The following BSN variants were observed in gnomAD, a reference collection of about 807,000 sequenced individuals.
The protein encoded by BSN is bassoon presynaptic cytomatrix protein.
A neutral mutation model predicts 264.8 loss-of-function variants in BSN; 57 were observed. The ratio of observed to expected loss-of-function variants is 0.22; its 90% CI spans 0.17 to 0.27. BSN has a LOEUF of 0.27. Ranked by LOEUF, BSN falls within the 10% of genes least tolerant of loss-of-function variation. BSN has a pLI of 1.00. For synonymous variants in BSN, 2,059 were observed against 2,137.3 expected (o/e 0.96, Z 1.01); for missense variants, 4,615 against 5,232.5 (o/e 0.88, Z 3.64).
In BSN at chr3:49,651,855, A is replaced by ACGCCTG. The variant is rs2052543876; in HGVS notation, c.2300_2305dup (p.Pro768_Glu769insAlaPro). On this transcript the variant is annotated inframe_insertion, in exon 5 of 12. Coordinates refer to ENST00000296452, the MANE Select transcript of BSN (RefSeq NM_003458.4). The surrounding 1 kb of genome is among the most constrained non-coding windows in gnomAD (Gnocchi z 5.4). ...GCAGCGGCCCCACTCCTTGTCCATCACGCCTGAGGCCTTTGACTCTGATGA... is the reference window on the plus strand; with the variant it reads ...GCAGCGGCCCCACTCCTTGTCCATCACGCCTGCGCCTGAGGCCTTTGACTCTGATGA... The ACGCCTG allele has an allele frequency of 6.2e-7, 1 of 1,613,840 alleles. No homozygotes were observed. Among genetic ancestry groups the ACGCCTG allele is most frequent in the South Asian group, 1.1e-5 (1 of 91,080 alleles).
At chr3:49,605,550 T>A (rs868481411) in intron 1 of BSN, among the ~76,000 whole-genome samples, 3 of 1,162 alleles carry the variant, frequency 2.6e-3, no homozygotes, top group African/African-American at 3.6e-3. Flanking sequence ...TATATATATT[T>A]TATATAATAT....
chr3:49,574,737 G>A (rs2051828773), intron 1 of BSN, among the ~76,000 whole-genome samples: 1 of 147,174 alleles, frequency 6.8e-6, no homozygotes, highest in Non-Finnish European at 1.5e-5. Flanking sequence ...CTGGGTTCAA[G>A]TGATTCTCTT....
chr3:49,657,986 C>G lies in BSN; in HGVS notation c.8430C>G (p.Ser2810=), dbSNP rs765302265. The G allele has an allele frequency of 6.2e-7, 1 of 1,612,362 alleles. No homozygotes were observed. The highest frequency in any genetic ancestry group is 2.2e-5 in the East Asian group (1 of 44,838). ...PLSPHRLLDT[S]FASSERLNKA... ...CCCCTCACCGGCTCCTGGACACCTC[C>G]TTTGCTTCCAGTGAGAGGCTGAACA... The change falls in exon 5 of 12, where the codon TCC becomes TCG. Residue 2810 remains serine, a synonymous_variant. Transcript: ENST00000296452.
chr3:49,635,899 A>T (rs1285374503), intron 2 of BSN, among the ~76,000 whole-genome samples: 1 of 151,310 alleles, frequency 6.6e-6, no homozygotes, highest in Non-Finnish European at 1.5e-5. Context: ...GGATCACTTG[A>T]GTCTGGGAGG....
intron 1 of BSN, among the ~76,000 whole-genome samples, chr3:49,606,103 A>ATAATATATACGTATATATT (rs1559603325): frequency 0.042 from 1,508 of 35,494 alleles, 342 homozygotes; most frequent in Non-Finnish European, 0.051. Context: ...TATAACATAT[A>ATAATATATACGTATATATT]ATATATAATA....
rs955529886 is a variant in BSN at position 49,642,916 on chromosome 3, G to A, written c.1282G>A (p.Ala428Thr). Residue 428 changes from alanine to threonine, a missense_variant, in exon 3 of 12, where the codon GCC becomes ACC. Around this residue, in one of 3 missense-constraint regions of BSN, gnomAD observed 1,197 missense variants for 1,348.0 expected, o/e 0.89. Transcript: ENST00000296452. This position sits in a 1 kb window ranked among gnomAD's most constrained non-coding sequence, Gnocchi z 7.0. ...ARMGPGSGPG[A>T]LPKTGGTTSP... ...AATGGGTCCTGGATCTGGACCTGGA[G>A]CCCTGCCGAAAACTGGGGGAACAAC... 6.8e-6 allele frequency: 11 copies of A among 1,614,058 alleles called. No individual in the cohort carries two copies. In the East Asian group the frequency reaches 2.5e-4, roughly 36 times the overall value.
chr3:49,586,446 C>G (rs949972077), intron 1 of BSN, among the ~76,000 whole-genome samples: 12 of 152,146 alleles, frequency 7.9e-5, no homozygotes, highest in Non-Finnish European at 1.3e-4. Flanking sequence ...ACAATCATGG[C>G]TCACTGCAGC....
At position 49,638,465 on chromosome 3, in the gene BSN, G is replaced by C. The variant is rs1192095551; in HGVS notation, c.634-3803G>C. On this transcript the variant is annotated intron_variant, in intron 2 of 11. Coordinates refer to ENST00000296452, the MANE Select transcript of BSN (RefSeq NM_003458.4). The surrounding 1 kb of genome is among the most constrained non-coding windows in gnomAD (Gnocchi z 4.3). Reference sequence around the variant, plus strand: ...CTGCTGGGGATCTGTCGGGGAGGCAGAGAGGGGGATGTATTGCTGGCCTCA... The same window carrying C: ...CTGCTGGGGATCTGTCGGGGAGGCACAGAGGGGGATGTATTGCTGGCCTCA... 2.0e-5 allele frequency among the ~76,000 whole-genome samples: 3 copies of C among 152,176 alleles called. No individual in the cohort carries two copies. The highest frequency in any genetic ancestry group is 4.4e-5 in the Non-Finnish European group (3 of 68,016).
chr3:49,653,552 C>A lies in BSN; in HGVS notation c.3996C>A (p.Ser1332Arg). Residue 1332 changes from serine (S) to arginine (R), a missense_variant, in exon 5 of 12, where the codon AGC (serine) becomes AGA (arginine). Coordinates refer to ENST00000296452, the MANE Select transcript of BSN (RefSeq NM_003458.4). The surrounding 1 kb of genome is among the most constrained non-coding windows in gnomAD (Gnocchi z 6.3). ...SFSTPTSSDSSGGRVIPDVRV... is the reference protein window; with the variant it reads ...SFSTPTSSDSRGGRVIPDVRV... Reference sequence around the variant, plus strand: ...CTACCCCCACCTCCTCAGACAGCAGCGGGGGCCGAGTTATTCCCGATGTCC... The same window carrying A: ...CTACCCCCACCTCCTCAGACAGCAGAGGGGGCCGAGTTATTCCCGATGTCC... 2 of 1,613,918 alleles carry A rather than the reference C, an allele frequency of 1.2e-6. No individual in the cohort carries two copies. The highest frequency in any genetic ancestry group is 2.7e-5 in the African/African-American group (2 of 75,002).
Position 49,662,571 on chromosome 3 carries a change from A to G in BSN, c.10717+9A>G. The G allele has an allele frequency of 6.4e-7, 1 of 1,573,912 alleles. No individual in the cohort carries two copies. Among genetic ancestry groups the G allele is most frequent in the Non-Finnish European group, 8.6e-7 (1 of 1,158,592 alleles). ...GGTTTCCGACAGCGAAGGTAATGGCAGCCAGGGGTGATTTCTGCGGATACT... is the reference window on the plus strand; with the variant it reads ...GGTTTCCGACAGCGAAGGTAATGGCGGCCAGGGGTGATTTCTGCGGATACT... On this transcript the variant is annotated intron_variant, in intron 6 of 11. Transcript: ENST00000296452.
At chr3:49,557,971 T>C (rs1166210025) in intron 1 of BSN, among the ~76,000 whole-genome samples, 5 of 152,156 alleles carry the variant, frequency 3.3e-5, no homozygotes, top group African/African-American at 7.2e-5. Context: ...GTGGATGGTA[T>C]GGAAAGGATA....
intron 1 of BSN, among the ~76,000 whole-genome samples, chr3:49,566,240 CCATTTATTTGGTGAAGACATCAGGA>C (rs1210308229): frequency 6.6e-6 from 1 of 152,180 alleles, no homozygotes; most frequent in Non-Finnish European, 1.5e-5. Context: ...GTTTTCAAAT[CCATTTATTTGGTGAAGACATCAGGA>C]CATTTATCCT....
intron 1 of BSN, among the ~76,000 whole-genome samples, chr3:49,605,808 A>G (rs1332893482): frequency 1.3e-5 from 1 of 78,324 alleles, no homozygotes; most frequent in Non-Finnish European, 2.2e-5. Context: ...ATTTATATAT[A>G]TAAATATATT....
At chr3:49,645,642 C>T (rs1287721971) in intron 3 of BSN, among the ~76,000 whole-genome samples, 1 of 152,216 alleles carries the variant, frequency 6.6e-6, no homozygotes, top group East Asian at 1.9e-4. Flanking sequence ...ACCATCCCTT[C>T]AGCATTGCTT....
At chr3:49,603,016 C>G (rs535391027) in intron 1 of BSN, among the ~76,000 whole-genome samples, 5 of 152,356 alleles carry the variant, frequency 3.3e-5, no homozygotes, top group African/African-American at 1.2e-4. Flanking sequence ...GCTCCTGGCA[C>G]TTCATGCTTG....
chr3:49,602,345 C>T (rs2052078292), intron 1 of BSN, among the ~76,000 whole-genome samples: 1 of 152,062 alleles, frequency 6.6e-6, no homozygotes, highest in Non-Finnish European at 1.5e-5. Flanking sequence ...GAGCATGAAA[C>T]AATACAAGGG....
intron 1 of BSN, among the ~76,000 whole-genome samples, chr3:49,589,756 C>CT (rs770367196): frequency 2.0e-4 from 31 of 151,688 alleles, no homozygotes; most frequent in Non-Finnish European, 4.6e-4. Flanking sequence ...ATCCAACAGC[C>CT]TTTGGCCTCC....
At chr3:49,615,174 A>T (rs986814895) in intron 1 of BSN, among the ~76,000 whole-genome samples, 1 of 152,192 alleles carries the variant, frequency 6.6e-6, no homozygotes, top group African/African-American at 2.4e-5. Flanking sequence ...CCTGGAACAA[A>T]TTGAGCCTTG....
At position 49,655,955 on chromosome 3, in the gene BSN, C is replaced by T. The variant is rs151058705; in HGVS notation, c.6399C>T (p.Pro2133=). 9.0e-5 allele frequency: 145 copies of T among 1,610,320 alleles called. No homozygotes were observed. Among genetic ancestry groups the T allele is most frequent in the African/African-American group, 8.8e-4 (66 of 74,908 alleles). The change falls in exon 5 of 12, where the codon CCC becomes CCT. Residue 2133 remains proline (P), a synonymous_variant. Transcript: ENST00000296452. ...TGCAGTACCAGCCCCAGCACGGGCC[C>T]GGGCTCAGTGCTCCACAGAGTCTGG... ...DLVQYQPQHG[P]GLSAPQSLVP... is the part of the protein sequence containing the mutation.
Sources: allele counts gnomAD v4.1 joint callset (sites outside exome capture counted in the v4.1 genomes callset), GRCh38; gene constraint gnomAD v4.1.1; regional missense constraint gnomAD v4.1.1; non-coding constraint Gnocchi (gnomAD v3.1); transcripts MANE v1.5; gene names NCBI Gene and HGNC (gene_info 2026-07-23, HGNC 2026-07-21).